MARF1: variants seen among roughly 807,000 people sequenced by gnomAD.
MARF1 encodes meiosis regulator and mRNA stability factor 1.
Under a neutral mutation model 168.2 loss-of-function variants are expected in MARF1, and 24 were observed. The ratio of observed to expected loss-of-function variants is 0.14; its 90% CI spans 0.10 to 0.20. MARF1 has a LOEUF of 0.20. Ranked by LOEUF, MARF1 falls within the 10% of genes least tolerant of loss-of-function variation. The pLI, the probability that MARF1 is intolerant of heterozygous loss-of-function variation, is 1.00. For synonymous variants in MARF1, 868 were observed against 822.4 expected (o/e 1.06, Z -0.95); for missense variants, 1,744 against 2,143.6 (o/e 0.81, Z 3.68).
At chr16:15,601,910 A>G (rs756066269) in intron 23 of MARF1, 81 bp downstream of exon 23, 206 of 1,126,598 alleles carry the variant, frequency 1.8e-4, no homozygotes, top group Non-Finnish European at 2.6e-4. Context: ...TTATTCTGGC[A>G]GCATTTTATT....
chr16:15,622,024 G>A, intron 11 of MARF1, 113 bp from the exon 12 acceptor site: 2 of 921,684 alleles, frequency 2.2e-6, no homozygotes, highest in Admixed American at 2.5e-5. Context: ...CTTCCATGAA[G>A]GAGTATGTCT....
chr16:15,615,837 G>GGGA lies in MARF1; in HGVS notation c.3243_3245dup (p.Pro1082dup). 6.4e-7 allele frequency: 1 copy of GGGA among 1,558,048 alleles called. No homozygotes were observed. The highest frequency in any genetic ancestry group is 8.7e-7 in the Non-Finnish European group (1 of 1,148,852). On this transcript the variant is annotated inframe_insertion, in exon 16 of 27. Transcript: ENST00000396368. ...AAAATACCTGACACCTACCAGTGTTGGGAGGCGGGGGCTTGTTGTGAATCC... is the reference window on the plus strand; with the variant it reads ...AAAATACCTGACACCTACCAGTGTTGGGAGGAGGCGGGGGCTTGTTGTGAATCC...
chr16:15,627,614 A>AG (rs1407055199), intron 7 of MARF1, among the ~76,000 whole-genome samples: 3 of 151,992 alleles, frequency 2.0e-5, no homozygotes, highest in Non-Finnish European at 4.4e-5. Context: ...TCTCAAAAAA[A>AG]TTTTTTTTAA....
Position 15,615,811 on chromosome 16 carries a change from C to A in MARF1, c.3253+19G>T. ...TAGTGGACAGGTGGTAGCTCCAGGA[C>A]AAAATACCTGACACCTACCAGTGTT... On this transcript the variant is annotated intron_variant, in intron 16 of 26. Transcript: ENST00000396368. 6.7e-7 allele frequency: 1 copy of A among 1,500,312 alleles called. No individual in the cohort carries two copies. 92.9% of individuals were successfully genotyped at this position (1,500,312 alleles called of 1,614,324 possible).
chr16:15,635,382 CAT>C, intron 3 of MARF1: 2 of 482,626 alleles, frequency 4.1e-6, no homozygotes, highest in Non-Finnish European at 3.6e-6. Flanking sequence ...AGCCTTTAAA[CAT>C]AGAACACGAA....
At position 15,635,924 on chromosome 16, in the gene MARF1, C is replaced by A. The variant is rs1211429747; in HGVS notation, c.563G>T (p.Cys188Phe). The A allele has an allele frequency of 6.2e-7, 1 of 1,614,060 alleles. No individual in the cohort carries two copies. The highest frequency in any genetic ancestry group is 2.2e-5 in the East Asian group (1 of 44,886). Residue 188 changes from cysteine to phenylalanine, a missense_variant, in exon 3 of 27, where the codon TGC (cysteine) becomes TTC (phenylalanine). By Grantham distance (205) the Cys-to-Phe change is radical (BLOSUM62 -2). Around this residue, in one of 7 missense-constraint regions of MARF1, gnomAD observed 318 missense variants for 336.6 expected, o/e 0.94. Transcript: ENST00000396368. ...TTTTCCACAACAGGGCAGGTGTTTG[C>A]AGGAAGACAGGTTACTCTCTAGACA... ...SMCLESNLSS[C>F]KHLPCCGKLH...
At chr16:15,616,867 T>C (rs1033813665) in intron 15 of MARF1, 185 bp downstream of exon 15, 26 of 654,184 alleles carry the variant, frequency 4.0e-5, no homozygotes, top group Admixed American at 5.8e-5. Flanking sequence ...CTGTCCTATA[T>C]ACAGTCCATG....
At chr16:15,639,633 T>A (rs577455766) in intron 1 of MARF1, among the ~76,000 whole-genome samples, 36 of 151,894 alleles carry the variant, frequency 2.4e-4, no homozygotes, top group African/African-American at 8.5e-4. Flanking sequence ...ACTCCTGACC[T>A]CAAGTGATCC....
chr16:15,611,549 C>T (rs2069844113), intron 18 of MARF1, 43 bp downstream of exon 18: 3 of 1,577,122 alleles, frequency 1.9e-6, no homozygotes, highest in Non-Finnish European at 2.6e-6. Flanking sequence ...GATAAAATGT[C>T]CTAAAATATT....
intron 4 of MARF1, 95 bp downstream of exon 4, chr16:15,634,660 ACC>A (rs2035468236): frequency 8.3e-7 from 1 of 1,200,738 alleles, no homozygotes; most frequent in East Asian, 2.4e-5. Context: ...TAGCTTTAGA[ACC>A]ATAAGGAATC....
chr16:15,610,824 A>G (rs1351070184), intron 19 of MARF1, 151 bp downstream of exon 19: 45 of 718,882 alleles, frequency 6.3e-5, no homozygotes, highest in Non-Finnish European at 9.6e-5. Context: ...TGAAGAACAC[A>G]GAATCCAAAG....
chr16:15,635,459 C>G, intron 3 of MARF1, 197 bp downstream of exon 3: 1 of 567,814 alleles, frequency 1.8e-6, no homozygotes, highest in Non-Finnish European at 3.1e-6. Context: ...AATAATGACT[C>G]TCTACTTTTT....
chr16:15,608,659 A>T, intron 20 of MARF1, 141 bp from the exon 21 acceptor site: 1 of 631,060 alleles, frequency 1.6e-6, no homozygotes, highest in East Asian at 2.7e-5. Flanking sequence ...GTGTAAGATG[A>T]AAAAGTTCAG....
intron 5 of MARF1, among the ~76,000 whole-genome samples, chr16:15,632,720 A>T (rs1175719391): frequency 3.3e-5 from 5 of 152,224 alleles, no homozygotes; most frequent in African/African-American, 1.2e-4. Flanking sequence ...TGGTTTTTGT[A>T]AAGAACATGG....
chr16:15,602,750 GAC>G (rs1197466527), intron 22 of MARF1: 3 of 419,878 alleles, frequency 7.1e-6, no homozygotes, highest in Admixed American at 2.9e-5. Context: ...GGTCTGAAGA[GAC>G]AGTGTGTGAG....
intron 13 of MARF1, among the ~76,000 whole-genome samples, chr16:15,620,102 T>C (rs1436079849): frequency 6.6e-6 from 1 of 152,034 alleles, no homozygotes; most frequent in African/African-American, 2.4e-5. Flanking sequence ...GAGGCAGAGG[T>C]TGCAGTGAGT....
intron 16 of MARF1, among the ~76,000 whole-genome samples, chr16:15,614,650 G>A (rs1012834548): frequency 3.2e-4 from 48 of 151,614 alleles, no homozygotes; most frequent in African/African-American, 9.0e-4. Context: ...AAAATTAGCC[G>A]GGCGTGGTGG....
In MARF1 at chr16:15,624,877, T is replaced by G; in HGVS notation, c.2162A>C (p.Lys721Thr). The part of the protein sequence containing the change: ...RSVTSSPVEK[K>T]DKEETVFQVS... ...TTGGAATACAGTCTCCTCTTTATCT[T>G]TTTTCTCTACAGGAGAACTGGTAAC... The change falls in exon 10 of 27, where the codon AAA becomes ACA. Residue 721 changes from lysine (K) to threonine (T), a missense_variant. Lys to Thr is a moderately conservative substitution (Grantham distance 78). Coordinates refer to ENST00000396368, the MANE Select transcript of MARF1 (RefSeq NM_014647.4). 1.2e-6 allele frequency: 2 copies of G among 1,614,170 alleles called. No homozygotes were observed. The highest frequency in any genetic ancestry group is 8.5e-7 in the Non-Finnish European group (1 of 1,180,042).
chr16:15,630,442 A>G lies in MARF1; in HGVS notation c.1414T>C (p.Leu472=), dbSNP rs1169605121. ...TCTGAGGCCTGGTTTTTATGGACCAAAATAATGTGGAAACCATGCCTGTGT... is the reference window on the plus strand; with the variant it reads ...TCTGAGGCCTGGTTTTTATGGACCAGAATAATGTGGAAACCATGCCTGTGT... ...LRHRHGFHII[L]VHKNQASEAL... The change falls in exon 7 of 27, where the codon TTG becomes CTG. Residue 472 remains leucine, a synonymous_variant. Transcript: ENST00000396368. 6.2e-7 allele frequency: 1 copy of G among 1,613,998 alleles called. No homozygotes were observed. The highest frequency in any genetic ancestry group is 8.5e-7 in the Non-Finnish European group (1 of 1,180,014).
Sources: allele counts gnomAD v4.1 joint callset (sites outside exome capture counted in the v4.1 genomes callset), GRCh38; gene constraint gnomAD v4.1.1; regional missense constraint gnomAD v4.1.1; transcripts MANE v1.5; gene names NCBI Gene and HGNC (gene_info 2026-07-23, HGNC 2026-07-21).